LRRK2: variants seen among roughly 807,000 people sequenced by gnomAD.
LRRK2 encodes the protein leucine-rich repeat serine/threonine-protein kinase 2.
Under a neutral mutation model 302.6 loss-of-function variants are expected in LRRK2, and 203 were observed. That is an observed-to-expected ratio of 0.67 (90% CI 0.60 to 0.75). The LOEUF (loss-of-function observed/expected upper bound fraction) is 0.75, where lower values mean the gene tolerates loss of function less well. LRRK2 is among the 30% of genes least tolerant of loss of function. The pLI, the probability that LRRK2 is intolerant of heterozygous loss-of-function variation, is 0.00. For synonymous variants in LRRK2, 1,066 were observed against 1,031.9 expected (o/e 1.03, Z -0.63); for missense variants, 2,830 against 2,951.0 (o/e 0.96, Z 0.95).
chr12:40,325,499 A>G (rs773334576), intron 38 of LRRK2, among the ~76,000 whole-genome samples: 3 of 152,156 alleles, frequency 2.0e-5, no homozygotes, highest in Admixed American at 6.5e-5. Context: ...CATCCTGTGC[A>G]CTGCAGAATG....
At chr12:40,290,599 ACTT>A (rs765528195) in intron 20 of LRRK2, among the ~76,000 whole-genome samples, 33 of 152,098 alleles carry the variant, frequency 2.2e-4, no homozygotes, top group Admixed American at 7.2e-4. Flanking sequence ...ATTTTCTTTT[ACTT>A]CTTAAGTCAG....
At chr12:40,352,377 A>G (rs1946378741) in intron 44 of LRRK2, among the ~76,000 whole-genome samples, 1 of 151,992 alleles carries the variant, frequency 6.6e-6, no homozygotes, top group Admixed American at 6.6e-5. Context: ...CAAATATAAG[A>G]TAAGTTTCTA....
At chr12:40,318,655 G>C (rs967889854) in intron 33 of LRRK2, among the ~76,000 whole-genome samples, 2 of 152,062 alleles carry the variant, frequency 1.3e-5, no homozygotes, top group Non-Finnish European at 2.9e-5. Context: ...ATATTCAAAT[G>C]AGAGAAGAGA....
At position 40,309,090 on chromosome 12, in the gene LRRK2, T is replaced by G; in HGVS notation, c.4190-16T>G. ...GTTTGAAAGATTAAAAAAATTTGTC[T>G]CTAATCTTTATTTAGGTCGTGAGGA... is the stretch of plus-strand genomic sequence containing the variant. On this transcript the variant is annotated splice_polypyrimidine_tract_variant and intron_variant, in intron 29 of 50. Coordinates refer to ENST00000298910, the MANE Select transcript of LRRK2 (RefSeq NM_198578.4). The G allele has an allele frequency of 6.2e-7, 1 of 1,612,938 alleles. No homozygotes were observed. The highest frequency in any genetic ancestry group is 1.1e-5 in the South Asian group (1 of 90,872).
chr12:40,267,479 T>C (rs12426891), intron 14 of LRRK2, among the ~76,000 whole-genome samples: 16,799 of 152,128 alleles, frequency 0.11, 1,211 homozygotes, highest in African/African-American at 0.19. Context: ...TATAGATAAC[T>C]GGTTCCAGTT....
chr12:40,315,345 A>G (rs1945180819), intron 33 of LRRK2, 45 bp downstream of exon 33: 2 of 1,455,832 alleles, frequency 1.4e-6, no homozygotes, highest in African/African-American at 1.4e-5. Flanking sequence ...TGGTCAAAGC[A>G]TAGAACAGAT....
chr12:40,364,767 T>C, intron 48 of LRRK2, 75 bp from the exon 49 acceptor site: 1 of 1,157,964 alleles, frequency 8.6e-7, no homozygotes. Flanking sequence ...AAAATGTTGT[T>C]TATGTTATCA....
intron 19 of LRRK2, among the ~76,000 whole-genome samples, chr12:40,285,034 C>A (rs1241535246): frequency 6.6e-6 from 1 of 152,086 alleles, no homozygotes; most frequent in Non-Finnish European, 1.5e-5. Context: ...TCAGTAGGCT[C>A]CAAAAGTTCC....
rs146391499 is a variant in LRRK2 at position 40,336,180 on chromosome 12, C to A, written c.5948+1023C>A. 7.2e-5 allele frequency among the ~76,000 whole-genome samples: 11 copies of A among 152,264 alleles called. No homozygotes were observed. The East Asian group carries it at 2.1e-3, about 29-fold the overall frequency. On this transcript the variant is annotated intron_variant, in intron 40 of 50. Coordinates refer to ENST00000298910, the MANE Select transcript of LRRK2 (RefSeq NM_198578.4). ...TCAGCCACTCCCATCCCTGAGGTTC[C>A]TTGCAGATACCAGAGGCTTTATATC...
At chr12:40,292,095 C>A (rs1360476351) in intron 20 of LRRK2, among the ~76,000 whole-genome samples, 1 of 152,038 alleles carries the variant, frequency 6.6e-6, no homozygotes, top group East Asian at 1.9e-4. Context: ...GAACTCCCAG[C>A]TATCTCAGTC....
At chr12:40,284,281 T>A in intron 19 of LRRK2, 148 bp downstream of exon 19, 1 of 604,728 alleles carries the variant, frequency 1.7e-6, no homozygotes, top group Non-Finnish European at 2.7e-6. Context: ...TTTTTGGCTA[T>A]GAAATACTTC....
intron 24 of LRRK2, among the ~76,000 whole-genome samples, chr12:40,298,778 A>AATATATATATATATATATATATATATAT (rs113272586): frequency 1.1e-3 from 69 of 60,412 alleles, no homozygotes; most frequent in Admixed American, 1.4e-3. Flanking sequence ...GTCTCAAAGA[A>AATATATATATATATATATATATATATAT]ATATATATAT....
chr12:40,233,540 A>G (rs1269094344), intron 3 of LRRK2, among the ~76,000 whole-genome samples: 2 of 152,194 alleles, frequency 1.3e-5, no homozygotes, highest in African/African-American at 2.4e-5. Context: ...GAAAGAGCAT[A>G]TTTACAATTA....
At chr12:40,327,883 G>A (rs1187270889) in intron 38 of LRRK2, among the ~76,000 whole-genome samples, 1 of 152,046 alleles carries the variant, frequency 6.6e-6, no homozygotes, top group East Asian at 1.9e-4. Context: ...ACTCCAGAAG[G>A]GCCTCAAAAA....
At position 40,263,804 on chromosome 12, in the gene LRRK2, C is replaced by A. The variant is rs1426941111; in HGVS notation, c.1559C>A (p.Ser520Tyr). ...GTGCATTTAGGCATGCCAGAAGAAT[C>A]CAGGGAGGATACAGAATTTCATCAT... ...HFIVPGMPEE[S>Y]REDTEFHHKL... Residue 520 changes from serine to tyrosine, a missense_variant, in exon 14 of 51, where the codon TCC (serine) becomes TAC (tyrosine). Around this residue, in one of 3 missense-constraint regions of LRRK2, gnomAD observed 2,121 missense variants for 2,148.0 expected, o/e 0.99. Transcript: ENST00000298910. The A allele has an allele frequency of 1.9e-6, 3 of 1,611,880 alleles. No individual in the cohort carries two copies. Among genetic ancestry groups the A allele is most frequent in the African/African-American group, 2.7e-5 (2 of 74,924 alleles).
rs529078812 is a variant in LRRK2 at position 40,225,060 on chromosome 12, G to C, written c.-72G>C. 4 of 1,594,360 alleles carry C rather than the reference G, an allele frequency of 2.5e-6. No individual in the cohort carries two copies. Among genetic ancestry groups the C allele is most frequent in the Non-Finnish European group, 1.7e-6 (2 of 1,168,220 alleles). The stretch of plus-strand genomic sequence containing the variant: ...AGCTCGCCCCCGGGGAGCTGTGGCC[G>C]GCGCCCCTGCCGGTTCCCTGAGCAG... On this transcript the variant is annotated 5_prime_UTR_variant, in exon 1 of 51. Transcript: ENST00000298910.
intron 39 of LRRK2, among the ~76,000 whole-genome samples, chr12:40,334,636 T>C (rs1387289769): frequency 6.6e-6 from 1 of 152,194 alleles, no homozygotes; most frequent in African/African-American, 2.4e-5. Context: ...GTCTTCACCC[T>C]CATCATCTTC....
intron 47 of LRRK2, among the ~76,000 whole-genome samples, chr12:40,361,841 A>T (rs915948184): frequency 6.6e-6 from 1 of 152,006 alleles, no homozygotes; most frequent in Admixed American, 6.6e-5. Context: ...TTGCCTCATC[A>T]TCAGTACCCT....
At chr12:40,248,219 C>A (rs1942093985) in intron 7 of LRRK2, among the ~76,000 whole-genome samples, 1 of 152,252 alleles carries the variant, frequency 6.6e-6, no homozygotes, top group Non-Finnish European at 1.5e-5. Flanking sequence ...TTACAACTTG[C>A]ACATGTTACA....
Sources: allele counts gnomAD v4.1 joint callset (sites outside exome capture counted in the v4.1 genomes callset), GRCh38; gene constraint gnomAD v4.1.1; regional missense constraint gnomAD v4.1.1; transcripts MANE v1.5; gene names NCBI Gene and HGNC (gene_info 2026-07-23, HGNC 2026-07-21).